MMP19: variants seen among roughly 807,000 people sequenced by gnomAD.
MMP19 encodes matrix metallopeptidase 19, also known as matrix metalloproteinase-19.
In MMP19, 47 loss-of-function variants were observed where a neutral mutation model predicts 46.6. That is an observed-to-expected ratio of 1.01 (90% CI 0.80 to 1.29). MMP19 has a LOEUF of 1.29. Ranked by LOEUF, MMP19 falls within the 50% of genes most tolerant of loss-of-function variation. MMP19 has a pLI of 0.00. For synonymous variants in MMP19, 222 were observed against 248.5 expected, an observed-to-expected ratio of 0.89 and a Z score of 1.00; for missense variants, 589 against 643.5, an observed-to-expected ratio of 0.92 and a Z score of 0.92.
At position 55,838,729 on chromosome 12, in the gene MMP19, T is replaced by G; in HGVS notation, c.772A>C (p.Lys258Gln). 1 of 1,589,260 alleles carries G rather than the reference T, an allele frequency of 6.3e-7. No homozygotes were observed. Among genetic ancestry groups the G allele is most frequent in the Non-Finnish European group, 8.6e-7 (1 of 1,166,078 alleles). ...VAGIQALYGK[K>Q]SPVIRDEEEE... ...TCCTCATCCCTTATCACTGGACTCT[T>G]CTTGCCTATAAGGTAAAGTAATGCT... Residue 258 changes from lysine to glutamine, a missense_variant, in exon 6 of 9, where the codon AAG (lysine) becomes CAG (glutamine). Physicochemically the swap from Lys to Gln is moderately conservative, Grantham distance 53. Transcript: ENST00000322569.
rs147752435 is a variant in MMP19 at position 55,837,431 on chromosome 12, C to T, written c.1189-57G>A. On this transcript the variant is annotated intron_variant, in intron 8 of 8. Coordinates refer to ENST00000322569, the MANE Select transcript of MMP19 (RefSeq NM_002429.6). ...GGAAGAGGAGAGAGCTTAGGACCCC[C>T]AGGGGTCCACCCCCAGCCCACTGCA... 339 of 1,568,064 alleles carry T rather than the reference C, an allele frequency of 2.2e-4. 2 individuals are homozygous for T. In the African/African-American group the frequency reaches 3.9e-3, roughly 18 times the overall value.
At chr12:55,840,400 AGAAG>A (rs1289655653) in intron 4 of MMP19, among the ~76,000 whole-genome samples, 59 of 97,266 alleles carry the variant, frequency 6.1e-4, no homozygotes, top group African/African-American at 2.1e-3. Context: ...AGAGAAGGAG[AGAAG>A]GAAGGGAGGG....
At chr12:55,841,542 C>CCTTT (rs1555177200) in intron 2 of MMP19, 58 of 262,542 alleles carry the variant, frequency 2.2e-4, no homozygotes, top group African/African-American at 1.2e-3. Flanking sequence ...TTCCTTCCTT[C>CCTTT]CTTCCTTCCT....
Position 55,842,451 on chromosome 12 carries a change from T to C in MMP19, c.88-13A>G. The stretch of plus-strand genomic sequence containing the variant: ...GTGACAGGTAGTCCTATGATGGGAG[T>C]GGAGGTAAGCAGGTTAAAAGGGGGT... On this transcript the variant is annotated splice_polypyrimidine_tract_variant and intron_variant, in intron 1 of 8. Coordinates refer to ENST00000322569, the MANE Select transcript of MMP19 (RefSeq NM_002429.6). The C allele has an allele frequency of 6.3e-7, 1 of 1,592,256 alleles. No homozygotes were observed. Among genetic ancestry groups the C allele is most frequent in the Non-Finnish European group, 8.6e-7 (1 of 1,160,850 alleles).
intron 4 of MMP19, 185 bp from the exon 5 acceptor site, chr12:55,839,926 C>A (rs1881562779): frequency 1.3e-6 from 1 of 780,488 alleles, no homozygotes; most frequent in East Asian, 2.7e-5. Flanking sequence ...TCAGGAATGC[C>A]CATCACTGTC....
At chr12:55,838,125 T>C in intron 6 of MMP19, 118 bp from the exon 7 acceptor site, 1 of 914,792 alleles carries the variant, frequency 1.1e-6, no homozygotes. Flanking sequence ...TCTTCAAAAA[T>C]TCATTCAACT....
In MMP19 at chr12:55,837,869, C is replaced by G. The variant is rs762888609; in HGVS notation, c.1034G>C (p.Arg345Pro). ...GNLDAAVYSP[R>P]TQWIHFFKGD... ...CTTAAAGAAGTGAATCCATTGTGTT[C>G]GAGGCGAGTAGACAGCAGCATCCAG... is the stretch of plus-strand genomic sequence containing the variant. The change falls in exon 7 of 9, where the codon CGA becomes CCA. Residue 345 changes from arginine (R) to proline (P), a missense_variant. Transcript: ENST00000322569. 2 of 1,610,402 alleles carry G rather than the reference C, an allele frequency of 1.2e-6. No homozygotes were observed.
intron 5 of MMP19, 94 bp from the exon 6 acceptor site, chr12:55,838,828 G>A (rs182533371): frequency 2.0e-6 from 2 of 1,011,896 alleles, no homozygotes; most frequent in East Asian, 2.4e-5. Context: ...TCCCCATACA[G>A]AGGGGAAAAG....
In MMP19 at chr12:55,839,743, T is replaced by C. The variant is rs779674288; in HGVS notation, c.521-2A>G. 3.7e-6 allele frequency: 6 copies of C among 1,608,540 alleles called. No individual in the cohort carries two copies. The highest frequency in any genetic ancestry group is 5.1e-6 in the Non-Finnish European group (6 of 1,177,394). ...TGTCGGCATGGGCCAGGACTCTCCC[T>C]GGACAAAGGCAAAGGTGAACAGGAA... On this transcript the variant is annotated splice_acceptor_variant, in intron 4 of 8. Transcript: ENST00000322569. LOFTEE classifies it high-confidence loss of function.
intron 2 of MMP19, 49 bp from the exon 3 acceptor site, chr12:55,841,285 G>T (rs748955791): frequency 1.3e-6 from 2 of 1,585,920 alleles, no homozygotes; most frequent in Non-Finnish European, 1.7e-6. Flanking sequence ...AATCTGAAAT[G>T]ACTGGGAGAT....
chr12:55,839,582 T>C lies in MMP19; in HGVS notation c.680A>G (p.Gln227Arg). 2 of 1,614,194 alleles carry C rather than the reference T, an allele frequency of 1.2e-6. No homozygotes were observed. The change falls in exon 5 of 9, where the codon CAG becomes CGG. Residue 227 changes from glutamine (Q) to arginine (R), a missense_variant. Gln to Arg is a conservative substitution (Grantham distance 43). Coordinates refer to ENST00000322569, the MANE Select transcript of MMP19 (RefSeq NM_002429.6). The stretch of plus-strand genomic sequence containing the variant: ...CTCGTAGACTGGGGCCATGAGGGCC[T>C]GGGAATATCGGGAGTGCCCAAGCCC... Reference protein sequence around the residue: ...ALGLGHSRYSQALMAPVYEGY... With the variant: ...ALGLGHSRYSRALMAPVYEGY...
In MMP19 at chr12:55,836,053, T is replaced by G. The variant is rs1881189310; in HGVS notation, c.*983A>C. 1 of 152,202 alleles carries G rather than the reference T, an allele frequency of 6.6e-6. No individual in the cohort carries two copies. Among genetic ancestry groups the G allele is most frequent in the Admixed American group, 6.6e-5 (1 of 15,262 alleles). 9.4% of individuals were successfully genotyped at this position (152,202 alleles called of 1,614,324 possible). ...GCTTCTCACCGTGGGTGGCACTAAT[T>G]TCCTCCTTAACCAGAACTTTGTTCC... is the stretch of plus-strand genomic sequence containing the variant. On this transcript the variant is annotated 3_prime_UTR_variant, in exon 9 of 9. Coordinates refer to ENST00000322569, the MANE Select transcript of MMP19 (RefSeq NM_002429.6).
Position 55,840,667 on chromosome 12 carries a change from C to T in MMP19, c.520G>A (p.Gly174Arg). Residue 174 changes from glycine (G) to arginine (R), a missense_variant and splice_region_variant, in exon 4 of 9, where the codon GGG becomes AGG. Physicochemically the swap from Gly to Arg is moderately radical, Grantham distance 125. Transcript: ENST00000322569. ...SYCSNTFDGP[G>R]RVLAHADIPE... The stretch of plus-strand genomic sequence containing the variant: ...GTGGGAACTGAGAACTGTTGCCTAC[C>T]AGGCCCATCAAAAGTATTGGAACAG... 2.5e-6 allele frequency: 4 copies of T among 1,612,778 alleles called. No homozygotes were observed. Among genetic ancestry groups the T allele is most frequent in the Non-Finnish European group, 3.4e-6 (4 of 1,179,210 alleles).
chr12:55,841,069 C>G (rs746977144), intron 3 of MMP19, 37 bp downstream of exon 3: 1 of 1,600,556 alleles, frequency 6.2e-7, no homozygotes, highest in Non-Finnish European at 8.5e-7. Context: ...CCACATCACC[C>G]CCTCCTCTCC....
chr12:55,842,098 T>C (rs1881739853), intron 2 of MMP19, among the ~76,000 whole-genome samples: 1 of 152,182 alleles, frequency 6.6e-6, no homozygotes, highest in Non-Finnish European at 1.5e-5. Flanking sequence ...AACTAAATAT[T>C]AGTATTTGAG....
rs145965552 is a variant in MMP19 at position 55,837,113 on chromosome 12, C to T, written c.1450G>A (p.Gly484Arg). The change falls in exon 9 of 9, where the codon GGG (glycine) becomes AGG (arginine). Residue 484 changes from glycine (G) to arginine (R), a missense_variant. Physicochemically the swap from Gly to Arg is moderately radical, Grantham distance 125. Transcript: ENST00000322569. ...PRTIDTTPSGGNTTPSGTGIT... is the reference protein window; with the variant it reads ...PRTIDTTPSGRNTTPSGTGIT... ...CCCGTACCTGAGGGAGTGGTATTCC[C>T]ACCTGATGGGGTAGTGTCTATAGTC... 3,121 of 1,613,138 alleles carry T rather than the reference C, an allele frequency of 1.9e-3. 5 individuals carry two copies. The highest frequency in any genetic ancestry group is 2.6e-3 in the Non-Finnish European group (3,025 of 1,179,450).
At chr12:55,841,532 T>TTCCG in intron 2 of MMP19, 1 of 260,432 alleles carries the variant, frequency 3.8e-6, no homozygotes, top group Non-Finnish European at 7.4e-6. Context: ...CCTTCCTTCC[T>TTCCG]TCCTTCCTTC....
chr12:55,838,867 A>G (rs1881462185), intron 5 of MMP19, 133 bp from the exon 6 acceptor site: 1 of 691,368 alleles, frequency 1.4e-6, no homozygotes, highest in Non-Finnish European at 2.4e-6. Context: ...CATTTGTGGT[A>G]GGCAATATTA....
At position 55,839,642 on chromosome 12, in the gene MMP19, C is replaced by G. The variant is rs371364453; in HGVS notation, c.620G>C (p.Arg207Pro). The change falls in exon 5 of 9, where the codon CGC becomes CCC. Residue 207 changes from arginine to proline, a missense_variant. Physicochemically the swap from Arg to Pro is moderately radical, Grantham distance 103 (BLOSUM62 -2). Transcript: ENST00000322569. ...GCCCACTTCATGGGCTGCAATGATG[C>G]GCAGGTTCACCCCACGGTAGGTCCC... The part of the protein sequence containing the change: ...TEGTYRGVNL[R>P]IIAAHEVGHA... 8 of 1,614,220 alleles carry G rather than the reference C, an allele frequency of 5.0e-6. No individual in the cohort carries two copies. The highest frequency in any genetic ancestry group is 6.8e-6 in the Non-Finnish European group (8 of 1,180,044).
Sources: allele counts gnomAD v4.1 joint callset (sites outside exome capture counted in the v4.1 genomes callset), GRCh38; gene constraint gnomAD v4.1.1; transcripts MANE v1.5; gene names NCBI Gene and HGNC (gene_info 2026-07-23, HGNC 2026-07-21).